CEP112: variants seen among roughly 807,000 people sequenced by gnomAD.
CEP112 encodes centrosomal protein 112.
CEP112 carries 127 observed loss-of-function variants against 153.0 expected under a neutral mutation model. The observed-to-expected ratio is 0.83, with a 90% CI of 0.72 to 0.96. The LOEUF (loss-of-function observed/expected upper bound fraction) is 0.96, where lower values mean the gene tolerates loss of function less well. CEP112 is among the 40% of genes least tolerant of loss of function. The pLI is 0.00. For missense variants in CEP112, 1,089 were observed against 1,101.2 expected, an observed-to-expected ratio of 0.99 and a Z score of 0.16; for synonymous variants, 358 against 374.4, an observed-to-expected ratio of 0.96 and a Z score of 0.51.
chr17:66,155,382 G>C (rs1245445995), intron 4 of CEP112, among the ~76,000 whole-genome samples: 1 of 152,060 alleles, frequency 6.6e-6, no homozygotes, highest in Non-Finnish European at 1.5e-5. Context: ...TTTTCCCATG[G>C]TCTTCACAAC....
At chr17:66,032,791 T>C (rs2065547402) in intron 12 of CEP112, among the ~76,000 whole-genome samples, 1 of 152,148 alleles carries the variant, frequency 6.6e-6, no homozygotes, top group Admixed American at 6.5e-5. Context: ...GTAAAACATA[T>C]GAGGCATGTG....
At chr17:65,967,827 A>G (rs2062469053) in intron 17 of CEP112, among the ~76,000 whole-genome samples, 1 of 152,100 alleles carries the variant, frequency 6.6e-6, no homozygotes, top group African/African-American at 2.4e-5. Context: ...CAAATACAAA[A>G]GCAAGTAATA....
chr17:66,050,911 T>C (rs930539473), intron 12 of CEP112, among the ~76,000 whole-genome samples: 8 of 152,318 alleles, frequency 5.3e-5, no homozygotes, highest in African/African-American at 1.9e-4. Flanking sequence ...CTTACACCTT[T>C]TTCTTTACCC....
At chr17:66,029,038 C>A (rs183257093) in intron 14 of CEP112, 85 bp downstream of exon 14, 2 of 1,052,000 alleles carry the variant, frequency 1.9e-6, no homozygotes, top group Non-Finnish European at 2.7e-6. Flanking sequence ...ATTTCAAATG[C>A]CAAATAATTT....
chr17:65,658,368 G>C (rs1174789620), intron 24 of CEP112, among the ~76,000 whole-genome samples: 1 of 152,224 alleles, frequency 6.6e-6, no homozygotes, highest in Non-Finnish European at 1.5e-5. Flanking sequence ...AGTCTGATCT[G>C]AGGTGATGGC....
At chr17:65,809,085 T>C (rs1043862850) in intron 21 of CEP112, among the ~76,000 whole-genome samples, 1 of 152,184 alleles carries the variant, frequency 6.6e-6, no homozygotes, top group Non-Finnish European at 1.5e-5. Context: ...TTCTATTCTT[T>C]ATAAATTACT....
intron 17 of CEP112, among the ~76,000 whole-genome samples, chr17:65,968,592 G>A (rs917315113): frequency 4.6e-5 from 7 of 152,034 alleles, no homozygotes; most frequent in Non-Finnish European, 1.0e-4. Context: ...TTAAATCTTT[G>A]GAAATGATGA....
Position 65,715,090 on chromosome 17 carries a change from A to C in CEP112, c.2608-25872T>G, listed in dbSNP as rs2049426510. On this transcript the variant is annotated intron_variant, in intron 23 of 26. Transcript: ENST00000535342. ...AATGGTAACAGAAAGGAAAAGAGTAATACAGAGCCAGGAAACAACTCATGT... is the reference window on the plus strand; with the variant it reads ...AATGGTAACAGAAAGGAAAAGAGTACTACAGAGCCAGGAAACAACTCATGT... Among the ~76,000 whole-genome samples the C allele has an allele frequency of 2.0e-5, 3 of 152,198 alleles. No individual in the cohort carries two copies. The South Asian group carries it at 6.2e-4, about 32-fold the overall frequency.
intron 20 of CEP112, among the ~76,000 whole-genome samples, chr17:65,859,387 C>G (rs1220347912): frequency 6.8e-6 from 1 of 146,718 alleles, no homozygotes; most frequent in African/African-American, 2.5e-5. Flanking sequence ...TTGTAGTGAG[C>G]TGAGATCGCG....
chr17:65,678,776 T>C (rs1199839260), intron 24 of CEP112, among the ~76,000 whole-genome samples: 3 of 152,118 alleles, frequency 2.0e-5, no homozygotes, highest in African/African-American at 7.2e-5. Context: ...GACACGTGGA[T>C]TTGATATGTC....
At chr17:65,927,501 A>AT (rs2060970580) in intron 19 of CEP112, 81 bp downstream of exon 19, 3 of 742,768 alleles carry the variant, frequency 4.0e-6, no homozygotes, top group Non-Finnish European at 6.7e-6. Context: ...TTATGCAGAT[A>AT]TTTTGTGATA....
chr17:65,645,346 T>C (rs1450784563), intron 24 of CEP112, among the ~76,000 whole-genome samples: 1 of 152,142 alleles, frequency 6.6e-6, no homozygotes, highest in Non-Finnish European at 1.5e-5. Context: ...TGGAATTACG[T>C]GCATGCATCA....
intron 21 of CEP112, among the ~76,000 whole-genome samples, chr17:65,818,793 A>C (rs1598676727): frequency 6.6e-6 from 1 of 151,926 alleles, no homozygotes; most frequent in Non-Finnish European, 1.5e-5. Flanking sequence ...TTAATCACAA[A>C]ATGATTTCAC....
intron 23 of CEP112, among the ~76,000 whole-genome samples, chr17:65,708,169 A>C (rs1472491289): frequency 2.6e-5 from 4 of 151,966 alleles, no homozygotes; most frequent in Admixed American, 2.0e-4. Flanking sequence ...TTTGTATTAC[A>C]TGACCAGTCT....
chr17:65,893,182 C>T (rs1398793229), intron 20 of CEP112, among the ~76,000 whole-genome samples: 3 of 152,012 alleles, frequency 2.0e-5, no homozygotes, highest in East Asian at 3.9e-4. Flanking sequence ...ACACACTCCT[C>T]GAGACTAGTG....
At chr17:65,861,767 A>C (rs2058317453) in intron 20 of CEP112, among the ~76,000 whole-genome samples, 1 of 152,234 alleles carries the variant, frequency 6.6e-6, no homozygotes, top group Non-Finnish European at 1.5e-5. Context: ...ATGTGTATCA[A>C]TGGGTACTCT....
intron 24 of CEP112, among the ~76,000 whole-genome samples, chr17:65,680,610 C>T (rs2047471753): frequency 6.6e-6 from 1 of 152,166 alleles, no homozygotes. Context: ...AGGTCCCACC[C>T]TCAAAGTGTA....
chr17:66,041,303 G>C (rs911593348), intron 12 of CEP112, among the ~76,000 whole-genome samples: 1 of 151,566 alleles, frequency 6.6e-6, no homozygotes, highest in Non-Finnish European at 1.5e-5. Flanking sequence ...CATTATGTTT[G>C]ACCTAAGTGG....
chr17:65,791,727 C>T (rs961612450), intron 21 of CEP112, among the ~76,000 whole-genome samples: 1 of 152,040 alleles, frequency 6.6e-6, no homozygotes, highest in East Asian at 1.9e-4. Context: ...CTTAAACTGG[C>T]TTACTTTAAT....
Sources: allele counts gnomAD v4.1 joint callset (sites outside exome capture counted in the v4.1 genomes callset), GRCh38; gene constraint gnomAD v4.1.1; transcripts MANE v1.5; gene names NCBI Gene and HGNC (gene_info 2026-07-23, HGNC 2026-07-21).